Variants in LAPTM4B observed in about 807,000 individuals in gnomAD.
LAPTM4B encodes lysosomal-associated transmembrane protein 4B.
LAPTM4B carries 26 observed loss-of-function variants against 28.5 expected under a neutral mutation model. The ratio of observed to expected loss-of-function variants is 0.91; its 90% confidence interval spans 0.67 to 1.27. The LOEUF (loss-of-function observed/expected upper bound fraction) is 1.27, where lower values mean the gene tolerates loss of function less well. Among genes scored for constraint, LAPTM4B ranks in the 50% most tolerant of loss-of-function variants. The pLI is 0.00. For missense variants in LAPTM4B, 288 were observed against 285.8 expected (o/e 1.01, Z -0.06); for synonymous variants, 109 against 106.4 (o/e 1.02, Z -0.15).
chr8:97,819,302 T>A, intron 5 of LAPTM4B, 64 bp downstream of exon 5: 1 of 987,778 alleles, frequency 1.0e-6, no homozygotes, highest in Non-Finnish European at 1.5e-6. Context: ...ACCAAATAAG[T>A]AAACAAACTT....
At chr8:97,833,295 G>A (rs953574181) in intron 6 of LAPTM4B, among the ~76,000 whole-genome samples, 2 of 152,138 alleles carry the variant, frequency 1.3e-5, no homozygotes. Flanking sequence ...AGAGGTTGCA[G>A]TGAGCTGAGA....
chr8:97,850,863 G>T (rs956626662), intron 6 of LAPTM4B, among the ~76,000 whole-genome samples: 1 of 150,272 alleles, frequency 6.7e-6, no homozygotes, highest in East Asian at 1.9e-4. Context: ...CAAGAAAGCC[G>T]AAATCAGCCA....
intron 1 of LAPTM4B, among the ~76,000 whole-genome samples, chr8:97,781,702 A>G (rs1005210963): frequency 6.6e-6 from 1 of 152,234 alleles, no homozygotes; most frequent in African/African-American, 2.4e-5. Flanking sequence ...AATCCCTGCC[A>G]TATCCCCAAT....
At chr8:97,784,225 T>A (rs1006521344) in intron 1 of LAPTM4B, among the ~76,000 whole-genome samples, 4 of 152,192 alleles carry the variant, frequency 2.6e-5, no homozygotes, top group Admixed American at 6.5e-5. Flanking sequence ...TGTCAGATTC[T>A]GTGACTTGGC....
chr8:97,796,000 C>T (rs374899400), intron 1 of LAPTM4B, among the ~76,000 whole-genome samples: 2 of 152,222 alleles, frequency 1.3e-5, no homozygotes, highest in African/African-American at 4.8e-5. Context: ...AGTGCAGAGG[C>T]GCAGTCTTAG....
intron 1 of LAPTM4B, among the ~76,000 whole-genome samples, chr8:97,802,331 G>A (rs765520811): frequency 7.2e-5 from 11 of 152,234 alleles, no homozygotes; most frequent in Non-Finnish European, 1.2e-4. Context: ...AAAGGGGTGG[G>A]CAATTCCCGG....
At chr8:97,807,960 T>A (rs1816779076) in intron 2 of LAPTM4B, among the ~76,000 whole-genome samples, 1 of 151,544 alleles carries the variant, frequency 6.6e-6, no homozygotes, top group Non-Finnish European at 1.5e-5. Context: ...TTAGCTGGGA[T>A]TATAGGTATG....
chr8:97,852,952 C>G lies in LAPTM4B; in HGVS notation c.*1478C>G. ...TACCATTGGTGTGGGGGAAAAAAGC[C>G]AAACAGAAGTAGAAAAAGGTGTAGC... On this transcript the variant is annotated 3_prime_UTR_variant, in exon 7 of 7. Transcript: ENST00000521545. The G allele has an allele frequency of 2.0e-6, 1 of 504,522 alleles. No individual in the cohort carries two copies. Among genetic ancestry groups the G allele is most frequent in the Non-Finnish European group, 3.4e-6 (1 of 295,718 alleles). The allele number at this position is 504,522 out of a possible 1,614,324, so 31.3% of individuals were successfully genotyped here. A position where few individuals can be genotyped will look rare whatever the true frequency, so the allele number is the denominator to read the frequency against.
chr8:97,806,378 G>A (rs1021339977), intron 2 of LAPTM4B, among the ~76,000 whole-genome samples: 1 of 152,136 alleles, frequency 6.6e-6, no homozygotes, highest in African/African-American at 2.4e-5. Context: ...GGAAGGATTT[G>A]GCAACTTGCT....
At chr8:97,817,961 G>A (rs1260175687) in intron 4 of LAPTM4B, among the ~76,000 whole-genome samples, 1 of 151,438 alleles carries the variant, frequency 6.6e-6, no homozygotes, top group Non-Finnish European at 1.5e-5. Flanking sequence ...CTACAGACAT[G>A]CACCACCATG....
intron 5 of LAPTM4B, among the ~76,000 whole-genome samples, chr8:97,823,563 C>T (rs571455126): frequency 2.6e-5 from 4 of 151,416 alleles, no homozygotes; most frequent in East Asian, 3.9e-4. Flanking sequence ...TTAGTGGAGA[C>T]GGGGTTTCAC....
chr8:97,784,018 T>G (rs919270301), intron 1 of LAPTM4B, among the ~76,000 whole-genome samples: 8 of 152,198 alleles, frequency 5.3e-5, no homozygotes, highest in African/African-American at 1.7e-4. Context: ...TGATAGATTT[T>G]CTTTGTATTC....
chr8:97,840,893 T>TCC (rs1817337209), intron 6 of LAPTM4B, among the ~76,000 whole-genome samples: 2 of 147,108 alleles, frequency 1.4e-5, no homozygotes, highest in African/African-American at 5.1e-5. Context: ...GCAGAGGCGC[T>TCC]TCTCACATCC....
At chr8:97,820,304 C>CTTTTTTTTTT (rs71570268) in intron 5 of LAPTM4B, among the ~76,000 whole-genome samples, 3 of 128,318 alleles carry the variant, frequency 2.3e-5, no homozygotes, top group Non-Finnish European at 4.8e-5. Flanking sequence ...TTCTTTCTTT[C>CTTTTTTTTTT]TTTTTTTTTT....
chr8:97,778,759 AAAAGTAT>A (rs1215831130), intron 1 of LAPTM4B, among the ~76,000 whole-genome samples: 1 of 151,930 alleles, frequency 6.6e-6, no homozygotes, highest in Non-Finnish European at 1.5e-5. Context: ...CTTTCTGAAC[AAAAGTAT>A]AAAAGAAAAT....
chr8:97,793,667 G>A (rs1349851594), intron 1 of LAPTM4B, among the ~76,000 whole-genome samples: 2 of 152,176 alleles, frequency 1.3e-5, no homozygotes, highest in African/African-American at 2.4e-5. Context: ...AATGAATGCT[G>A]TAAACAGAAT....
In LAPTM4B at chr8:97,775,941, G is replaced by A. The variant is rs776620189; in HGVS notation, c.-69G>A. On this transcript the variant is annotated 5_prime_UTR_variant, in exon 1 of 7. Coordinates refer to ENST00000521545, the MANE Select transcript of LAPTM4B (RefSeq NM_018407.6). Reference sequence around the variant, plus strand: ...GAGGAGCCGGCAGCAGCGGCGCGGCGGGCTCCAGGCGAGGCGGTCGACGCT... The same window carrying A: ...GAGGAGCCGGCAGCAGCGGCGCGGCAGGCTCCAGGCGAGGCGGTCGACGCT... 7 of 1,476,754 alleles carry A rather than the reference G, an allele frequency of 4.7e-6. No individual in the cohort carries two copies. Among genetic ancestry groups the A allele is most frequent in the Non-Finnish European group, 6.2e-6 (7 of 1,123,394 alleles). 91.5% of individuals were successfully genotyped at this position (1,476,754 alleles called of 1,614,324 possible).
chr8:97,779,579 G>A (rs1165501910), intron 1 of LAPTM4B, among the ~76,000 whole-genome samples: 3 of 148,398 alleles, frequency 2.0e-5, no homozygotes, highest in Non-Finnish European at 4.5e-5. Flanking sequence ...GAGGTCAGGA[G>A]TTCTAGACCA....
chr8:97,776,407 C>T (rs1000056402), intron 1 of LAPTM4B, among the ~76,000 whole-genome samples: 5 of 152,236 alleles, frequency 3.3e-5, no homozygotes, highest in African/African-American at 7.2e-5. Flanking sequence ...AGCCCCGCGG[C>T]CTCGCGTAGG....
Sources: gnomAD v4.1 joint callset for allele counts (sites outside exome capture counted in the v4.1 genomes callset) on GRCh38, gnomAD v4.1.1 for gene constraint, MANE v1.5 for transcripts, NCBI Gene and HGNC (gene_info 2026-07-23, HGNC 2026-07-21) for gene names.